The following COL18A1 variants were observed in gnomAD, a reference collection of about 807,000 sequenced individuals.
The protein encoded by COL18A1 is collagen type XVIII alpha 1 chain.
A neutral mutation model predicts 168.0 loss-of-function variants in COL18A1; 133 were observed. That is an observed-to-expected ratio of 0.79 (90% CI 0.69 to 0.91). The LOEUF (loss-of-function observed/expected upper bound fraction) is 0.91, where lower values mean the gene tolerates loss of function less well. COL18A1 is among the 40% of genes least tolerant of loss of function. The pLI, the probability that COL18A1 is intolerant of heterozygous loss-of-function variation, is 0.00. For missense variants in COL18A1, 2,126 were observed against 1,925.4 expected, an observed-to-expected ratio of 1.10 and a Z score of -1.95; for synonymous variants, 949 against 809.0, an observed-to-expected ratio of 1.17 and a Z score of -2.94.
chr21:45,478,170 G>A (rs1185082634), intron 8 of COL18A1, 157 bp from the exon 9 acceptor site: 2 of 942,316 alleles, frequency 2.1e-6, no homozygotes, highest in Non-Finnish European at 3.4e-6. Context: ...AGCCCTTGTG[G>A]GTGTGAGGAG....
intron 2 of COL18A1, chr21:45,456,145 C>T: frequency 6.3e-7 from 1 of 1,584,422 alleles, no homozygotes; most frequent in Non-Finnish European, 8.6e-7. Flanking sequence ...GGGCACCACT[C>T]ACGGGGCCCT....
rs577697894 is a variant in COL18A1 at position 45,456,277 on chromosome 21, C to A, written c.107-11965C>A. ...TCTCGCCCGCCGCAGCCGCTCCCAG[C>A]CAGCAGCTCCAACGCCCTGACGTCC... On this transcript the variant is annotated intron_variant, in intron 2 of 41. Transcript: ENST00000651438. 1.5e-5 allele frequency: 23 copies of A among 1,572,636 alleles called. No individual in the cohort carries two copies. In the East Asian group the frequency reaches 3.5e-4, roughly 24 times the overall value.
intron 9 of COL18A1, among the ~76,000 whole-genome samples, chr21:45,479,247 C>T (rs1017123775): frequency 1.3e-5 from 2 of 151,914 alleles, no homozygotes; most frequent in African/African-American, 2.4e-5. Context: ...TATCACACAC[C>T]ACACATTACA....
chr21:45,469,096 C>T (rs570733987), intron 3 of COL18A1, among the ~76,000 whole-genome samples: 46 of 152,216 alleles, frequency 3.0e-4, no homozygotes, highest in Non-Finnish European at 5.3e-4. Flanking sequence ...GAGGCCCAGC[C>T]CAGGAGGGCC....
At chr21:45,510,393 C>G (rs9983050) in intron 40 of COL18A1, 132 bp downstream of exon 40, 242 of 1,064,022 alleles carry the variant, frequency 2.3e-4, no homozygotes, top group Non-Finnish European at 3.1e-4. Flanking sequence ...CCTAGGCTGG[C>G]GACTTCAGGG....
intron 26 of COL18A1, 105 bp downstream of exon 26, chr21:45,493,680 T>A: frequency 1.2e-6 from 1 of 857,158 alleles, no homozygotes; most frequent in Non-Finnish European, 1.9e-6. Context: ...TGCACGAGCC[T>A]CTCCCAAGCA....
chr21:45,476,281 A>G, intron 5 of COL18A1, 70 bp from the exon 6 acceptor site: 2 of 1,606,836 alleles, frequency 1.2e-6, no homozygotes, highest in Non-Finnish European at 1.7e-6. Flanking sequence ...ATTTCATTTC[A>G]CAAACCAAGC....
intron 2 of COL18A1, among the ~76,000 whole-genome samples, chr21:45,466,639 G>A (rs543896938): frequency 6.6e-6 from 1 of 152,338 alleles, no homozygotes; most frequent in Admixed American, 6.5e-5. Context: ...TTGGAAGCTG[G>A]CTTCTGAAGG....
In COL18A1 at chr21:45,510,061, C is replaced by T; in HGVS notation, c.3496-3C>T. On this transcript the variant is annotated splice_region_variant and splice_polypyrimidine_tract_variant and intron_variant, in intron 39 of 41. Transcript: ENST00000651438. ...AGCCCGTGACGCGCCCCTCTCCCCG[C>T]AGCTCCACCTGGTTGCGCTCAACAG... 1.9e-6 allele frequency: 3 copies of T among 1,557,736 alleles called. No homozygotes were observed. The highest frequency in any genetic ancestry group is 2.4e-5 in the East Asian group (1 of 41,872).
At chr21:45,488,296 C>T (rs1027394761) in intron 17 of COL18A1, 122 bp from the exon 18 acceptor site, 4 of 1,219,706 alleles carry the variant, frequency 3.3e-6, no homozygotes, top group Middle Eastern at 1.9e-4. Context: ...TAACTTAGTA[C>T]ATTTCCTTTT....
intron 3 of COL18A1, among the ~76,000 whole-genome samples, chr21:45,472,690 G>A (rs925533640): frequency 8.5e-5 from 13 of 152,136 alleles, no homozygotes; most frequent in African/African-American, 1.7e-4. Flanking sequence ...TGTAGGCAAC[G>A]CCCTCCCCCG....
intron 2 of COL18A1, chr21:45,420,780 TG>T (rs2033597069): frequency 6.6e-6 from 1 of 152,502 alleles, no homozygotes; most frequent in African/African-American, 2.4e-5. Flanking sequence ...GGGCTGGGCC[TG>T]CAGTGGGCAG....
chr21:45,482,057 G>T (rs1270460048), intron 14 of COL18A1, 32 bp downstream of exon 14: 2 of 1,577,626 alleles, frequency 1.3e-6, no homozygotes, highest in East Asian at 2.2e-5. Flanking sequence ...GGGTGAGTGG[G>T]AACCAGCACC....
At chr21:45,413,724 C>T (rs1394175975) in intron 2 of COL18A1, among the ~76,000 whole-genome samples, 4 of 152,238 alleles carry the variant, frequency 2.6e-5, no homozygotes, top group Non-Finnish European at 5.9e-5. Context: ...ACATCCTTGT[C>T]CCTGGGCACT....
At chr21:45,483,263 C>T (rs1406207140) in intron 15 of COL18A1, among the ~76,000 whole-genome samples, 1 of 152,148 alleles carries the variant, frequency 6.6e-6, no homozygotes, top group East Asian at 1.9e-4. Context: ...CCCCATCCAC[C>T]CGTCCCGCAG....
At position 45,473,925 on chromosome 21, in the gene COL18A1, G is replaced by C. The variant is rs780058672; in HGVS notation, c.682G>C (p.Asp228His). Reference sequence around the variant, plus strand: ...GATCGCTGAGCTGAAGGTGCGCAGGGACCCCCAGGTGAGCCCCATGCACTG... The same window carrying C: ...GATCGCTGAGCTGAAGGTGCGCAGGCACCCCCAGGTGAGCCCCATGCACTG... Reference protein sequence around the residue: ...GVIAELKVRRDPQVSPMHCLD... With the variant: ...GVIAELKVRRHPQVSPMHCLD... Residue 228 changes from aspartate (D) to histidine (H), a missense_variant, in exon 4 of 42, where the codon GAC becomes CAC. By Grantham distance (81) the Asp-to-His change is moderately conservative. Coordinates refer to ENST00000651438, the MANE Select transcript of COL18A1 (RefSeq NM_001379500.1). The surrounding 1 kb of genome is among the most constrained non-coding windows in gnomAD (Gnocchi z 4.0). 2 of 1,606,022 alleles carry C rather than the reference G, an allele frequency of 1.2e-6. No homozygotes were observed. Among genetic ancestry groups the C allele is most frequent in the Non-Finnish European group, 8.5e-7 (1 of 1,176,462 alleles).
At chr21:45,504,601 G>A (rs764801214) in intron 34 of COL18A1, 45 bp downstream of exon 34, 2 of 1,533,920 alleles carry the variant, frequency 1.3e-6, no homozygotes, top group Non-Finnish European at 1.8e-6. Context: ...CCAGGGGTCT[G>A]GGTGCAGGAG....
Position 45,487,373 on chromosome 21 carries a change from C to T in COL18A1, c.1834-74C>T, listed in dbSNP as rs9977268. The T allele has an allele frequency of 0.19, 294,612 of 1,549,714 alleles. 28,643 individuals are homozygous for T. Among genetic ancestry groups the T allele is most frequent in the Middle Eastern group, 0.21 (959 of 4,554 alleles). On this transcript the variant is annotated intron_variant, in intron 16 of 41. Transcript: ENST00000651438. The stretch of plus-strand genomic sequence containing the variant: ...AAGCATGTCCCACCCTCCTCTCGGG[C>T]AGTGCCACCCCAGGGAGGGGTCCTT...
intron 41 of COL18A1, among the ~76,000 whole-genome samples, chr21:45,511,908 A>C (rs1222858753): frequency 6.6e-6 from 1 of 152,210 alleles, no homozygotes; most frequent in Non-Finnish European, 1.5e-5. Context: ...CTCAGCAGGC[A>C]TGAGGGCCAG....
Sources: allele counts gnomAD v4.1 joint callset (sites outside exome capture counted in the v4.1 genomes callset), GRCh38; gene constraint gnomAD v4.1.1; non-coding constraint Gnocchi (gnomAD v3.1); transcripts MANE v1.5; gene names NCBI Gene and HGNC (gene_info 2026-07-23, HGNC 2026-07-21).